The following ZSWIM6 variants were observed in gnomAD, a reference collection of about 807,000 sequenced individuals.
ZSWIM6 encodes the protein zinc finger SWIM domain-containing protein 6.
ZSWIM6 carries 9 observed loss-of-function variants against 113.2 expected under a neutral mutation model. That is an observed-to-expected ratio of 0.08 (90% confidence interval 0.05 to 0.14). The LOEUF (loss-of-function observed/expected upper bound fraction) is 0.14. Among genes scored for constraint, ZSWIM6 ranks in the 10% least tolerant of loss-of-function variants. The pLI, the probability that ZSWIM6 is intolerant of heterozygous loss-of-function variation, is 1.00. For synonymous variants in ZSWIM6, 611 were observed against 606.5 expected, an observed-to-expected ratio of 1.01 and a Z score of -0.11; for missense variants, 1,162 against 1,552.2, an observed-to-expected ratio of 0.75 and a Z score of 4.22.
At chr5:61,383,241 A>G (rs1022356813) in intron 1 of ZSWIM6, among the ~76,000 whole-genome samples, 9 of 152,190 alleles carry the variant, frequency 5.9e-5, no homozygotes, top group African/African-American at 2.2e-4. Context: ...AGTTTCAGGC[A>G]TAGTGCTAAA....
intron 4 of ZSWIM6, among the ~76,000 whole-genome samples, chr5:61,503,809 C>A (rs868836017): frequency 7.9e-5 from 12 of 152,292 alleles, no homozygotes; most frequent in Middle Eastern, 3.4e-3. Context: ...TGTTTGGAAA[C>A]CATTAACCAC....
intron 4 of ZSWIM6, among the ~76,000 whole-genome samples, chr5:61,497,186 T>C (rs549451435): frequency 5.3e-5 from 8 of 151,866 alleles, no homozygotes; most frequent in Admixed American, 2.6e-4. Flanking sequence ...GCTAGCCAAG[T>C]AACTCTGCTT....
intron 1 of ZSWIM6, among the ~76,000 whole-genome samples, chr5:61,359,793 C>G (rs2112051276): frequency 6.6e-6 from 1 of 152,042 alleles, no homozygotes; most frequent in Non-Finnish European, 1.5e-5. Flanking sequence ...TTCAAAACGA[C>G]TGTAAGAAGT....
At chr5:61,349,870 A>C (rs550175694) in intron 1 of ZSWIM6, among the ~76,000 whole-genome samples, 1 of 152,346 alleles carries the variant, frequency 6.6e-6, no homozygotes, top group East Asian at 1.9e-4. Flanking sequence ...AACTAAGTTT[A>C]GTTTTTGAAA....
chr5:61,535,376 T>G, intron 9 of ZSWIM6, 108 bp from the exon 10 acceptor site: 2 of 1,298,494 alleles, frequency 1.5e-6, no homozygotes, highest in Non-Finnish European at 2.1e-6. Context: ...TACTTGAAAT[T>G]CTTATTTGTA....
At chr5:61,534,594 A>G (rs1457790519) in intron 9 of ZSWIM6, among the ~76,000 whole-genome samples, 1 of 152,182 alleles carries the variant, frequency 6.6e-6, no homozygotes, top group African/African-American at 2.4e-5. Flanking sequence ...AAACTAATTT[A>G]TTAAAAACTT....
chr5:61,446,939 T>G (rs1399985930), intron 1 of ZSWIM6, among the ~76,000 whole-genome samples: 1 of 152,168 alleles, frequency 6.6e-6, no homozygotes, highest in East Asian at 1.9e-4. Flanking sequence ...TACACACATG[T>G]TCAAATGGCT....
At chr5:61,515,908 T>C (rs1041747057) in intron 4 of ZSWIM6, among the ~76,000 whole-genome samples, 9 of 152,156 alleles carry the variant, frequency 5.9e-5, no homozygotes, top group Non-Finnish European at 1.3e-4. Flanking sequence ...CTTTATGTAA[T>C]GCCCCTCTTT....
At chr5:61,390,434 G>A (rs928464783) in intron 1 of ZSWIM6, among the ~76,000 whole-genome samples, 1 of 152,134 alleles carries the variant, frequency 6.6e-6, no homozygotes, top group Non-Finnish European at 1.5e-5. Flanking sequence ...ATCTATGACA[G>A]AAATATTTTT....
intron 2 of ZSWIM6, among the ~76,000 whole-genome samples, chr5:61,486,826 TG>T: frequency 1.3e-5 from 2 of 152,134 alleles, no homozygotes; most frequent in Non-Finnish European, 2.9e-5. Context: ...TTGTAAATTC[TG>T]GATGTTCGTT....
intron 7 of ZSWIM6, among the ~76,000 whole-genome samples, chr5:61,529,648 T>C (rs561485759): frequency 3.5e-4 from 53 of 152,354 alleles, no homozygotes; most frequent in Non-Finnish European, 6.8e-4. Context: ...GACTTCTTAG[T>C]CCTCTCTAAT....
chr5:61,481,938 A>G (rs1580022369), intron 2 of ZSWIM6, among the ~76,000 whole-genome samples: 1 of 152,252 alleles, frequency 6.6e-6, no homozygotes, highest in Non-Finnish European at 1.5e-5. Context: ...AGCATTTACT[A>G]TTATAAATAA....
At chr5:61,481,830 T>C (rs1747875197) in intron 2 of ZSWIM6, among the ~76,000 whole-genome samples, 1 of 152,164 alleles carries the variant, frequency 6.6e-6, no homozygotes, top group Admixed American at 6.6e-5. Context: ...TTCTACTTCT[T>C]TTTCCAACAG....
intron 1 of ZSWIM6, among the ~76,000 whole-genome samples, chr5:61,386,478 C>T (rs1244799825): frequency 6.6e-6 from 1 of 152,168 alleles, no homozygotes; most frequent in East Asian, 1.9e-4. Flanking sequence ...ATAACCACTT[C>T]TGCAACAAAT....
intron 1 of ZSWIM6, among the ~76,000 whole-genome samples, chr5:61,360,548 T>A (rs985264102): frequency 6.6e-6 from 1 of 152,210 alleles, no homozygotes; most frequent in Non-Finnish European, 1.5e-5. Context: ...TGTGCTCTTA[T>A]CTCCTACTTT....
intron 1 of ZSWIM6, among the ~76,000 whole-genome samples, chr5:61,425,253 G>A (rs993073055): frequency 2.6e-5 from 4 of 152,088 alleles, no homozygotes; most frequent in Non-Finnish European, 5.9e-5. Context: ...ATTTCAGAGA[G>A]GTTAAAATGG....
intron 1 of ZSWIM6, among the ~76,000 whole-genome samples, chr5:61,378,844 C>T (rs1283499279): frequency 6.6e-6 from 1 of 152,110 alleles, no homozygotes; most frequent in Non-Finnish European, 1.5e-5. Flanking sequence ...GCGTGAGCCA[C>T]CACACCTGGC....
chr5:61,477,437 T>C (rs987128557), intron 2 of ZSWIM6, among the ~76,000 whole-genome samples: 6 of 152,214 alleles, frequency 3.9e-5, no homozygotes, highest in Non-Finnish European at 5.9e-5. Flanking sequence ...TCTGTGTCTT[T>C]GCTGGTGGTT....
rs573372775 is a variant in ZSWIM6 at position 61,431,977 on chromosome 5, T to G, written c.677-40704T>G. Among the ~76,000 whole-genome samples, 7 of 152,332 alleles carry G rather than the reference T, an allele frequency of 4.6e-5. No homozygotes were observed. In the South Asian group the frequency reaches 8.3e-4, roughly 18 times the overall value. ...AACTGTAGTGGGTTTTTCTCCTTTC[T>G]GTTTTTTTGAACTACATTAGCCATT... On this transcript the variant is annotated intron_variant, in intron 1 of 13. Transcript: ENST00000252744.
Sources: gnomAD v4.1 joint callset for allele counts (sites outside exome capture counted in the v4.1 genomes callset) on GRCh38, gnomAD v4.1.1 for gene constraint, MANE v1.5 for transcripts, NCBI Gene and HGNC (gene_info 2026-07-23, HGNC 2026-07-21) for gene names.